The following GRHL2 variants were observed in gnomAD, a reference collection of about 807,000 sequenced individuals.
GRHL2 encodes grainyhead-like protein 2 homolog.
A neutral mutation model predicts 83.8 loss-of-function variants in GRHL2; 21 were observed. That is an observed-to-expected ratio of 0.25 (90% CI 0.18 to 0.36). The LOEUF (loss-of-function observed/expected upper bound fraction) is 0.36, where lower values mean the gene tolerates loss of function less well. Ranked by LOEUF, GRHL2 falls within the 10% of genes least tolerant of loss-of-function variation. The pLI is 1.00. For synonymous variants in GRHL2, 280 were observed against 278.9 expected (o/e 1.00, Z -0.04); for missense variants, 623 against 781.8 (o/e 0.80, Z 2.42).
At chr8:101,507,049 T>C (rs1304258846) in intron 1 of GRHL2, among the ~76,000 whole-genome samples, 1 of 152,218 alleles carries the variant, frequency 6.6e-6, no homozygotes, top group East Asian at 1.9e-4. Context: ...CCCAAAGTTG[T>C]ACCTTCCAAC....
intron 7 of GRHL2, among the ~76,000 whole-genome samples, chr8:101,590,008 A>C (rs1165216860): frequency 6.6e-6 from 1 of 152,106 alleles, no homozygotes; most frequent in Non-Finnish European, 1.5e-5. Context: ...CTATTCTATG[A>C]GGTGGGAATA....
At chr8:101,653,197 G>A (rs1011467389) in intron 14 of GRHL2, among the ~76,000 whole-genome samples, 4 of 152,106 alleles carry the variant, frequency 2.6e-5, no homozygotes, top group Non-Finnish European at 5.9e-5. Context: ...TGTGACCCTG[G>A]CCCCCATGTT....
chr8:101,674,849 G>A, the GRHL2 span, among the ~76,000 whole-genome samples: 1 of 152,038 alleles, frequency 6.6e-6, no homozygotes, highest in Non-Finnish European at 1.5e-5. Context: ...ACATCAAAAA[G>A]CTTATCCACC....
intron 8 of GRHL2, among the ~76,000 whole-genome samples, chr8:101,602,955 A>G (rs920818988): frequency 6.6e-6 from 1 of 152,166 alleles, no homozygotes; most frequent in Non-Finnish European, 1.5e-5. Flanking sequence ...CCTGGTCCTC[A>G]TGGGGCTGCA....
At chr8:101,589,653 A>G (rs1360426238) in intron 7 of GRHL2, among the ~76,000 whole-genome samples, 1 of 152,240 alleles carries the variant, frequency 6.6e-6, no homozygotes, top group Non-Finnish European at 1.5e-5. Context: ...AAGCACATGT[A>G]AAATATTAGA....
At chr8:101,505,284 A>G (rs1403349031) in intron 1 of GRHL2, among the ~76,000 whole-genome samples, 1 of 152,162 alleles carries the variant, frequency 6.6e-6, no homozygotes, top group Non-Finnish European at 1.5e-5. Flanking sequence ...TCGGATGTTA[A>G]AAGTCTAAAT....
chr8:101,636,724 T>TACACACACACACACACACACACAC (rs3029438), intron 11 of GRHL2, 173 bp from the exon 12 acceptor site: 1 of 461,778 alleles, frequency 2.2e-6, no homozygotes, highest in Non-Finnish European at 3.9e-6. Flanking sequence ...TCCTTAGAAA[T>TACACACACACACACACACACACAC]ACACACACAC....
At chr8:101,563,968 C>T (rs940053773) in intron 4 of GRHL2, among the ~76,000 whole-genome samples, 4 of 152,232 alleles carry the variant, frequency 2.6e-5, no homozygotes, top group South Asian at 4.1e-4. Context: ...GGTCCAATGT[C>T]AACGGAATCA....
intron 8 of GRHL2, among the ~76,000 whole-genome samples, chr8:101,619,003 C>T (rs1016988223): frequency 2.0e-5 from 3 of 152,130 alleles, no homozygotes; most frequent in African/African-American, 7.2e-5. Flanking sequence ...CCTGTCATCC[C>T]AGCACTTTAG....
At chr8:101,641,588 CT>C (rs1813401911) in intron 12 of GRHL2, among the ~76,000 whole-genome samples, 2 of 152,146 alleles carry the variant, frequency 1.3e-5, no homozygotes, top group South Asian at 4.1e-4. Flanking sequence ...TTAGCACTAC[CT>C]TTATACCTCA....
At chr8:101,547,354 T>A (rs1053126956) in intron 2 of GRHL2, among the ~76,000 whole-genome samples, 1 of 152,220 alleles carries the variant, frequency 6.6e-6, no homozygotes, top group African/African-American at 2.4e-5. Flanking sequence ...ATGAATTGAT[T>A]CTATTTTTGT....
intron 1 of GRHL2, among the ~76,000 whole-genome samples, chr8:101,527,018 A>G (rs1444958461): frequency 1.3e-5 from 2 of 152,196 alleles, no homozygotes; most frequent in South Asian, 2.1e-4. Flanking sequence ...CGCTGTCTTT[A>G]TTCATGTCAG....
At chr8:101,664,406 T>C (rs778831005) in intron 14 of GRHL2, 48 bp from the exon 15 acceptor site, 19 of 1,408,328 alleles carry the variant, frequency 1.3e-5, no homozygotes, top group South Asian at 3.4e-5. Context: ...TTGCCTCCAG[T>C]TGGGCGTCCT....
intron 7 of GRHL2, among the ~76,000 whole-genome samples, chr8:101,586,458 C>T (rs1191501503): frequency 1.3e-5 from 2 of 152,152 alleles, no homozygotes; most frequent in African/African-American, 4.8e-5. Flanking sequence ...CATCTCACAC[C>T]TTGAGACCTT....
At chr8:101,546,706 G>T (rs968821764) in intron 2 of GRHL2, among the ~76,000 whole-genome samples, 1 of 152,164 alleles carries the variant, frequency 6.6e-6, no homozygotes, top group Non-Finnish European at 1.5e-5. Flanking sequence ...GAGTCACCAA[G>T]TCCAGTCCAT....
chr8:101,578,688 G>A (rs952051356), intron 7 of GRHL2, among the ~76,000 whole-genome samples: 4 of 152,214 alleles, frequency 2.6e-5, no homozygotes, highest in Non-Finnish European at 5.9e-5. Context: ...TGTGGGCTAA[G>A]TGAAGGTTCC....
chr8:101,646,306 C>T (rs1447093853), intron 13 of GRHL2, among the ~76,000 whole-genome samples: 1 of 152,206 alleles, frequency 6.6e-6, no homozygotes, highest in South Asian at 2.1e-4. Flanking sequence ...ACAGGCGAAA[C>T]TAATTATGGC....
chr8:101,592,056 C>T (rs865837260), intron 7 of GRHL2, among the ~76,000 whole-genome samples: 10 of 149,802 alleles, frequency 6.7e-5, no homozygotes, highest in African/African-American at 1.2e-4. Context: ...TGACAGTTGA[C>T]GTAGGACCTT....
intron 1 of GRHL2, among the ~76,000 whole-genome samples, chr8:101,504,191 G>A (rs1810288165): frequency 6.6e-6 from 1 of 152,104 alleles, no homozygotes; most frequent in Non-Finnish European, 1.5e-5. Flanking sequence ...TCTGTCCCAG[G>A]AATGCCACGC....
Sources: gnomAD v4.1 joint callset for allele counts (sites outside exome capture counted in the v4.1 genomes callset) on GRCh38, gnomAD v4.1.1 for gene constraint, MANE v1.5 for transcripts, NCBI Gene and HGNC (gene_info 2026-07-23, HGNC 2026-07-21) for gene names.